The following CSMD1 variants were observed in gnomAD, a reference collection of about 807,000 sequenced individuals.
CSMD1 encodes the protein CUB and sushi domain-containing protein 1.
In CSMD1, 213 loss-of-function variants were observed where a neutral mutation model predicts 417.5. The observed-to-expected ratio is 0.51, with a 90% CI of 0.46 to 0.57. The LOEUF (loss-of-function observed/expected upper bound fraction) is 0.57, where lower values mean the gene tolerates loss of function less well. Among genes scored for constraint, CSMD1 ranks in the 20% least tolerant of loss-of-function variants. The pLI is 0.00. For synonymous variants in CSMD1, 2,862 were observed against 1,736.8 expected (o/e 1.65, Z -16.11); for missense variants, 6,923 against 4,529.7 (o/e 1.53, Z -15.17).
At chr8:4,470,662 G>T (rs547719184) in intron 2 of CSMD1, among the ~76,000 whole-genome samples, 1 of 152,006 alleles carries the variant, frequency 6.6e-6, no homozygotes, top group African/African-American at 2.4e-5. Context: ...ATTTCTAAAC[G>T]GCCATTAGTG....
chr8:3,526,335 T>C (rs970142425), intron 10 of CSMD1, among the ~76,000 whole-genome samples: 11 of 152,050 alleles, frequency 7.2e-5, no homozygotes, highest in Non-Finnish European at 1.5e-4. Context: ...TTTGTGGAAA[T>C]TGGACACTCC....
chr8:3,652,535 G>A (rs1374020635), intron 7 of CSMD1, among the ~76,000 whole-genome samples: 1 of 152,210 alleles, frequency 6.6e-6, no homozygotes, highest in Non-Finnish European at 1.5e-5. Context: ...CAGCATGGCT[G>A]GGGAGGCCTC....
intron 3 of CSMD1, among the ~76,000 whole-genome samples, chr8:4,111,074 G>C (rs557141622): frequency 1.3e-5 from 2 of 152,070 alleles, no homozygotes; most frequent in Non-Finnish European, 2.9e-5. Flanking sequence ...GGAAAAATCT[G>C]GTAGAAATCT....
intron 26 of CSMD1, among the ~76,000 whole-genome samples, chr8:3,238,265 T>A (rs1241395081): frequency 1.3e-5 from 2 of 151,936 alleles, no homozygotes; most frequent in Non-Finnish European, 2.9e-5. Flanking sequence ...CAAGATAATG[T>A]CATCAGTTAA....
intron 3 of CSMD1, among the ~76,000 whole-genome samples, chr8:4,356,118 C>A (rs1030852945): frequency 3.2e-4 from 48 of 152,142 alleles, no homozygotes; most frequent in African/African-American, 1.1e-3. Context: ...CCTAGTCTTC[C>A]CCTCAAGTTC....
chr8:4,256,788 C>A (rs1318179633), intron 3 of CSMD1, among the ~76,000 whole-genome samples: 1 of 152,126 alleles, frequency 6.6e-6, no homozygotes, highest in Non-Finnish European at 1.5e-5. Flanking sequence ...TGCAACAGGG[C>A]CAAGCAGTCA....
At chr8:3,805,657 G>C (rs963040449) in intron 5 of CSMD1, among the ~76,000 whole-genome samples, 1 of 152,136 alleles carries the variant, frequency 6.6e-6, no homozygotes, top group Admixed American at 6.6e-5. Flanking sequence ...ATGAAGGCAA[G>C]TTGGGTATTT....
At chr8:4,753,618 G>A (rs771030037) in intron 1 of CSMD1, among the ~76,000 whole-genome samples, 6 of 152,112 alleles carry the variant, frequency 3.9e-5, no homozygotes, top group Non-Finnish European at 5.9e-5. Context: ...AGTATCAGGC[G>A]TCTCACTGTT....
chr8:4,318,445 T>C (rs143409882), intron 3 of CSMD1, among the ~76,000 whole-genome samples: 1 of 152,094 alleles, frequency 6.6e-6, no homozygotes, highest in African/African-American at 2.4e-5. Flanking sequence ...GAAAATTACA[T>C]TGAGTTAAAA....
intron 5 of CSMD1, among the ~76,000 whole-genome samples, chr8:3,904,309 T>C (rs1418119144): frequency 1.3e-5 from 2 of 152,090 alleles, no homozygotes; most frequent in Non-Finnish European, 2.9e-5. Flanking sequence ...CTTTCTTTCA[T>C]CCCAACATCA....
At chr8:4,682,406 A>G (rs1394816757) in intron 1 of CSMD1, among the ~76,000 whole-genome samples, 3 of 152,142 alleles carry the variant, frequency 2.0e-5, no homozygotes. Context: ...TCAGGTATGC[A>G]TTTAGTAATT....
chr8:3,074,476 C>A (rs1813508345), intron 49 of CSMD1, among the ~76,000 whole-genome samples: 1 of 152,206 alleles, frequency 6.6e-6, no homozygotes, highest in African/African-American at 2.4e-5. Flanking sequence ...GCTCCTCAAA[C>A]ATAGAAGCTT....
chr8:3,900,747 C>A (rs888061141), intron 5 of CSMD1, among the ~76,000 whole-genome samples: 1 of 151,380 alleles, frequency 6.6e-6, no homozygotes, highest in Non-Finnish European at 1.5e-5. Context: ...GCTGCCACCG[C>A]AACTGGGTGA....
intron 1 of CSMD1, among the ~76,000 whole-genome samples, chr8:4,866,874 A>G (rs1349385419): frequency 2.6e-5 from 4 of 151,974 alleles, no homozygotes; most frequent in Non-Finnish European, 4.4e-5. Flanking sequence ...AAACTTTTAC[A>G]TTTTGTGACC....
At chr8:4,369,421 C>T (rs1464464828) in intron 3 of CSMD1, among the ~76,000 whole-genome samples, 1 of 152,096 alleles carries the variant, frequency 6.6e-6, no homozygotes, top group African/African-American at 2.4e-5. Context: ...TATTCTATCA[C>T]TGTTGGGTGG....
intron 3 of CSMD1, among the ~76,000 whole-genome samples, chr8:4,117,249 C>G (rs1009024307): frequency 2.0e-5 from 3 of 151,194 alleles, no homozygotes; most frequent in African/African-American, 7.3e-5. Context: ...CTGCTTTCCT[C>G]TCATCTATAA....
chr8:4,959,445 C>G (rs555246672), intron 1 of CSMD1, among the ~76,000 whole-genome samples: 87 of 152,318 alleles, frequency 5.7e-4, no homozygotes, highest in African/African-American at 2.0e-3. Flanking sequence ...GTTGGGTAGC[C>G]TAACCATGCA....
chr8:3,584,706 G>C (rs1800524212), intron 9 of CSMD1, among the ~76,000 whole-genome samples: 1 of 152,178 alleles, frequency 6.6e-6, no homozygotes, highest in South Asian at 2.1e-4. Context: ...TTAAAAGAAT[G>C]CACATTTACT....
intron 1 of CSMD1, among the ~76,000 whole-genome samples, chr8:4,831,290 G>A (rs745959398): frequency 6.6e-6 from 1 of 152,182 alleles, no homozygotes; most frequent in Admixed American, 6.5e-5. Context: ...TCCACTGGGA[G>A]TCTTTACTTT....
Sources: gnomAD v4.1 joint callset for allele counts (sites outside exome capture counted in the v4.1 genomes callset) on GRCh38, gnomAD v4.1.1 for gene constraint, MANE v1.5 for transcripts, NCBI Gene and HGNC (gene_info 2026-07-23, HGNC 2026-07-21) for gene names.